Variants in EIF4G3 observed in about 807,000 individuals in gnomAD.
The protein encoded by EIF4G3 is eukaryotic translation initiation factor 4 gamma 3.
Under a neutral mutation model 186.4 loss-of-function variants are expected in EIF4G3, and 34 were observed. That is an observed-to-expected ratio of 0.18 (90% CI 0.14 to 0.24). The LOEUF (loss-of-function observed/expected upper bound fraction) is 0.24, where lower values mean the gene tolerates loss of function less well. Among genes scored for constraint, EIF4G3 ranks in the 10% least tolerant of loss-of-function variants. The pLI is 1.00. For synonymous variants in EIF4G3, 673 were observed against 679.5 expected (o/e 0.99, Z 0.15); for missense variants, 1,536 against 1,948.5 (o/e 0.79, Z 3.99).
intron 13 of EIF4G3, among the ~76,000 whole-genome samples, chr1:20,942,824 A>G (rs1288508165): frequency 6.6e-6 from 1 of 152,186 alleles, no homozygotes; most frequent in Non-Finnish European, 1.5e-5. Context: ...TGGGGAGATA[A>G]TTTTTATTTT....
chr1:21,085,119 A>G (rs1416192770), intron 3 of EIF4G3, among the ~76,000 whole-genome samples: 5 of 151,744 alleles, frequency 3.3e-5, no homozygotes, highest in Non-Finnish European at 7.4e-5. Context: ...AGAATAAAGC[A>G]TAGGGTCTAA....
chr1:21,105,244 G>A (rs570445708), intron 2 of EIF4G3, among the ~76,000 whole-genome samples: 1 of 152,246 alleles, frequency 6.6e-6, no homozygotes, highest in South Asian at 2.1e-4. Flanking sequence ...CCAACGTGGT[G>A]AAACCGCATT....
At chr1:21,117,344 A>G (rs1188200937) in intron 2 of EIF4G3, among the ~76,000 whole-genome samples, 3 of 152,082 alleles carry the variant, frequency 2.0e-5, no homozygotes, top group Non-Finnish European at 2.9e-5. Context: ...AGATACGGTC[A>G]CACACAAAAA....
At chr1:21,006,379 T>C (rs912337994) in intron 4 of EIF4G3, among the ~76,000 whole-genome samples, 1 of 152,202 alleles carries the variant, frequency 6.6e-6, no homozygotes, top group African/African-American at 2.4e-5. Flanking sequence ...GAGCATCTGT[T>C]TGTACTTTCC....
At chr1:20,807,795 G>C (rs1278898090) in intron 36 of EIF4G3, among the ~76,000 whole-genome samples, 5 of 45,754 alleles carry the variant, frequency 1.1e-4, no homozygotes, top group Non-Finnish European at 1.6e-4. Flanking sequence ...AGACAATCTT[G>C]TTCTGTCCCC....
At chr1:20,857,660 C>A (rs527759533) in intron 24 of EIF4G3, among the ~76,000 whole-genome samples, 163 bp from the exon 25 acceptor site, 6 of 152,120 alleles carry the variant, frequency 3.9e-5, no homozygotes, top group Admixed American at 3.9e-4. Context: ...TAAGCAGAAG[C>A]ACCCTGTATC....
intron 14 of EIF4G3, among the ~76,000 whole-genome samples, chr1:20,905,355 C>T (rs934164924): frequency 6.6e-5 from 10 of 152,210 alleles, no homozygotes; most frequent in Admixed American, 6.5e-5. Context: ...CCCTACATTA[C>T]TCAGCTATAA....
Position 20,807,024 on chromosome 1 carries a change from AT to A in EIF4G3, c.*294del, listed in dbSNP as rs548023315. ...TCAACTTTTTTTTTTTTTGCTAAACATTTTTTTAAGTATGAGTCCTTGTTTA... is the reference window on the plus strand; with the variant it reads ...TCAACTTTTTTTTTTTTTGCTAAACATTTTTTAAGTATGAGTCCTTGTTTA... On this transcript the variant is annotated 3_prime_UTR_variant, in exon 37 of 37. Transcript: ENST00000602326. 121 of 192,446 alleles carry A rather than the reference AT, an allele frequency of 6.3e-4. No individual in the cohort carries two copies. Among genetic ancestry groups the A allele is most frequent in the African/African-American group, 2.7e-3 (114 of 42,932 alleles). 11.9% of individuals were successfully genotyped at this position (192,446 alleles called of 1,614,324 possible). A position where few individuals can be genotyped will look rare whatever the true frequency, so the allele number is the denominator to read the frequency against.
chr1:20,893,438 G>GCTGT (rs763129512), intron 18 of EIF4G3, 79 bp downstream of exon 18: 2 of 1,414,052 alleles, frequency 1.4e-6, no homozygotes, highest in Middle Eastern at 2.0e-4. Context: ...AATAAAAGCT[G>GCTGT]CTGTCTTGCC....
At chr1:20,882,576 G>A (rs1188966903) in intron 19 of EIF4G3, among the ~76,000 whole-genome samples, 1 of 151,140 alleles carries the variant, frequency 6.6e-6, no homozygotes, top group South Asian at 2.1e-4. Context: ...AGCTGAGATC[G>A]CGTCACTGTA....
At chr1:20,892,314 T>G (rs10916896) in intron 18 of EIF4G3, among the ~76,000 whole-genome samples, 5,008 of 152,276 alleles carry the variant, frequency 0.033, 275 homozygotes, top group African/African-American at 0.11. Context: ...AAAGAGACAT[T>G]CAACATCATT....
chr1:20,892,783 C>T (rs1263888703), intron 18 of EIF4G3: 15 of 1,273,018 alleles, frequency 1.2e-5, no homozygotes, highest in Admixed American at 2.2e-5. Flanking sequence ...TCAGAGATCT[C>T]CAGTATTTTA....
intron 16 of EIF4G3, 56 bp downstream of exon 16, chr1:20,899,641 T>C: frequency 6.3e-7 from 1 of 1,583,200 alleles, no homozygotes; most frequent in Non-Finnish European, 8.6e-7. Context: ...GCAACATTTC[T>C]CTAAGGTTGC....
chr1:20,842,848 T>G (rs1043549079), intron 29 of EIF4G3, among the ~76,000 whole-genome samples: 3 of 151,704 alleles, frequency 2.0e-5, no homozygotes, highest in East Asian at 1.9e-4. Flanking sequence ...CTTTTAGTTT[T>G]TTTTTTTTTT....
At chr1:20,823,769 C>A (rs1452381209) in intron 33 of EIF4G3, among the ~76,000 whole-genome samples, 1 of 152,116 alleles carries the variant, frequency 6.6e-6, no homozygotes, top group Non-Finnish European at 1.5e-5. Context: ...TTATTTTATA[C>A]TCTGAATGAT....
intron 14 of EIF4G3, among the ~76,000 whole-genome samples, chr1:20,938,822 C>A: frequency 6.6e-6 from 1 of 152,106 alleles, no homozygotes; most frequent in Non-Finnish European, 1.5e-5. Flanking sequence ...AATTTACAAA[C>A]TGCTGGCCAG....
chr1:21,032,773 T>C (rs943970837), intron 4 of EIF4G3, among the ~76,000 whole-genome samples: 1 of 151,976 alleles, frequency 6.6e-6, no homozygotes, highest in African/African-American at 2.4e-5. Flanking sequence ...TGAACAAAAA[T>C]AGCTTTTAAA....
chr1:20,883,373 C>T (rs1412015546), intron 19 of EIF4G3, among the ~76,000 whole-genome samples: 1 of 152,056 alleles, frequency 6.6e-6, no homozygotes, highest in Non-Finnish European at 1.5e-5. Context: ...AATCCCCGCA[C>T]TTTGGGAGGC....
chr1:20,981,670 TACTGTATGTATACATACATGTATAC>T (rs1558552747), intron 8 of EIF4G3, among the ~76,000 whole-genome samples: 2 of 131,938 alleles, frequency 1.5e-5, no homozygotes, highest in African/African-American at 5.6e-5. Context: ...TATACGCACA[TACTGTATGTATACATACATGTATAC>T]GCACATACTG....
Sources: allele counts gnomAD v4.1 joint callset (sites outside exome capture counted in the v4.1 genomes callset), GRCh38; gene constraint gnomAD v4.1.1; transcripts MANE v1.5; gene names NCBI Gene and HGNC (gene_info 2026-07-23, HGNC 2026-07-21).